Variants in LRRTM4 observed in about 807,000 individuals in gnomAD.
LRRTM4 encodes leucine-rich repeat transmembrane neuronal protein 4.
In LRRTM4, 25 loss-of-function variants were observed where a neutral mutation model predicts 47.6. The ratio of observed to expected loss-of-function variants is 0.53; its 90% confidence interval spans 0.38 to 0.73. The LOEUF (loss-of-function observed/expected upper bound fraction) is 0.73, where lower values mean the gene tolerates loss of function less well. Among genes scored for constraint, LRRTM4 ranks in the 30% least tolerant of loss-of-function variants. LRRTM4 has a pLI of 0.00. For synonymous variants in LRRTM4, 311 were observed against 269.5 expected, an observed-to-expected ratio of 1.15 and a Z score of -1.51; for missense variants, 638 against 713.4, an observed-to-expected ratio of 0.89 and a Z score of 1.20.
chr2:76,795,162 A>G (rs1377949459), intron 3 of LRRTM4, among the ~76,000 whole-genome samples: 2 of 152,198 alleles, frequency 1.3e-5, no homozygotes, highest in Admixed American at 1.3e-4. Flanking sequence ...TGAATAGGCA[A>G]TGATCAGCAA....
At chr2:76,909,213 T>G (rs1008077056) in intron 3 of LRRTM4, among the ~76,000 whole-genome samples, 1 of 152,192 alleles carries the variant, frequency 6.6e-6, no homozygotes, top group Non-Finnish European at 1.5e-5. Flanking sequence ...ATCTGATCTT[T>G]GACAAACCTG....
intron 3 of LRRTM4, among the ~76,000 whole-genome samples, chr2:76,846,134 A>G (rs1671830815): frequency 6.6e-6 from 1 of 152,086 alleles, no homozygotes; most frequent in South Asian, 2.1e-4. Context: ...ACTGGAACTA[A>G]TGGCTTGCTA....
intron 3 of LRRTM4, among the ~76,000 whole-genome samples, chr2:76,771,043 G>T (rs207461872): frequency 2.0e-5 from 3 of 151,408 alleles, no homozygotes; most frequent in Admixed American, 6.5e-5. Flanking sequence ...GTAGATGTCT[G>T]TTTAATGATG....
intron 3 of LRRTM4, among the ~76,000 whole-genome samples, chr2:77,341,893 G>A (rs1482435945): frequency 6.6e-6 from 1 of 151,964 alleles, no homozygotes; most frequent in African/African-American, 2.4e-5. Context: ...AAGAATAAAA[G>A]TCTGTGAAAG....
chr2:77,097,718 A>G (rs1670847687), intron 3 of LRRTM4, among the ~76,000 whole-genome samples: 1 of 152,028 alleles, frequency 6.6e-6, no homozygotes, highest in Admixed American at 6.5e-5. Flanking sequence ...TCTGATGTTC[A>G]TTGTTGTGGG....
chr2:77,346,611 G>C (rs993297598), intron 3 of LRRTM4, among the ~76,000 whole-genome samples: 2 of 151,926 alleles, frequency 1.3e-5, no homozygotes, highest in African/African-American at 2.4e-5. Flanking sequence ...AAAATTTGTA[G>C]AACTCTACCT....
intron 3 of LRRTM4, among the ~76,000 whole-genome samples, chr2:77,435,516 G>A (rs112089266): frequency 7.2e-5 from 11 of 152,100 alleles, no homozygotes; most frequent in African/African-American, 2.7e-4. Flanking sequence ...TGATTATAAT[G>A]ATAACATTAA....
chr2:77,345,853 C>T (rs531130212), intron 3 of LRRTM4, among the ~76,000 whole-genome samples: 16 of 150,606 alleles, frequency 1.1e-4, no homozygotes, highest in Admixed American at 7.9e-4. Context: ...TATATATATA[C>T]ACAGACACAC....
chr2:77,373,735 T>C (rs1672731814), intron 3 of LRRTM4, among the ~76,000 whole-genome samples: 1 of 151,716 alleles, frequency 6.6e-6, no homozygotes, highest in Non-Finnish European at 1.5e-5. Flanking sequence ...TACTTAGATA[T>C]AAAACTCAGA....
intron 3 of LRRTM4, among the ~76,000 whole-genome samples, chr2:77,024,939 A>C (rs1678402939): frequency 6.6e-6 from 1 of 152,198 alleles, no homozygotes; most frequent in Admixed American, 6.5e-5. Context: ...AATAGTCAAC[A>C]ATTTGAGAAA....
intron 3 of LRRTM4, among the ~76,000 whole-genome samples, chr2:76,896,604 T>C (rs947970912): frequency 3.0e-4 from 45 of 151,966 alleles, no homozygotes; most frequent in Admixed American, 2.9e-3. Flanking sequence ...TTGTCAATTG[T>C]TTAGAGAGTT....
rs143558102 is a variant in LRRTM4, at chr2:77,103,606, G to A, written c.1552-354690C>T. 8.1e-5 allele frequency among the ~76,000 whole-genome samples: 12 copies of A among 148,126 alleles called. No homozygotes were observed. The East Asian group carries it at 2.4e-3, about 30-fold the overall frequency. On this transcript the variant is annotated intron_variant, in intron 3 of 3. Coordinates refer to ENST00000409884, the MANE Select transcript of LRRTM4 (RefSeq NM_001134745.3). ...TAAAATTGCATGTTGTTTTTAGTTG[G>A]CATTTTCAATGTAATTCAGGAGAGT...
chr2:77,247,813 G>A (rs1354985532), intron 3 of LRRTM4, among the ~76,000 whole-genome samples: 1 of 151,720 alleles, frequency 6.6e-6, no homozygotes, highest in Non-Finnish European at 1.5e-5. Context: ...TAAAAATAGA[G>A]GTGAATTAGT....
At chr2:77,065,278 T>A (rs1006774175) in intron 3 of LRRTM4, among the ~76,000 whole-genome samples, 15 of 152,182 alleles carry the variant, frequency 9.9e-5, no homozygotes, top group African/African-American at 3.6e-4. Flanking sequence ...TTTTCTCATC[T>A]CTATATTAAT....
chr2:77,207,523 C>A (rs531525737), intron 3 of LRRTM4, among the ~76,000 whole-genome samples: 1 of 151,848 alleles, frequency 6.6e-6, no homozygotes, highest in East Asian at 1.9e-4. Flanking sequence ...TGACTCTCAA[C>A]CTGGCTGTGA....
At chr2:77,511,223 G>A (rs1277447169) in intron 3 of LRRTM4, among the ~76,000 whole-genome samples, 1 of 151,874 alleles carries the variant, frequency 6.6e-6, no homozygotes, top group African/African-American at 2.4e-5. Context: ...ATTTACTTTT[G>A]AGACAATTCA....
rs540819987 is a variant in LRRTM4 at position 76,964,491 on chromosome 2, A to G, written c.1552-215575T>C. On this transcript the variant is annotated intron_variant, in intron 3 of 3. Coordinates refer to ENST00000409884, the MANE Select transcript of LRRTM4 (RefSeq NM_001134745.3). ...CCAACAAAAGTGTTGAAATTTACCA[A>G]TTGTTTTTTTCCTGTTCCTAAGTAA... 4.0e-5 allele frequency among the ~76,000 whole-genome samples: 6 copies of G among 150,950 alleles called. No individual in the cohort carries two copies. The East Asian group carries it at 7.8e-4, about 20-fold the overall frequency.
intron 3 of LRRTM4, among the ~76,000 whole-genome samples, chr2:77,462,162 T>C (rs1407572894): frequency 1.3e-5 from 2 of 152,096 alleles, no homozygotes; most frequent in Non-Finnish European, 1.5e-5. Context: ...TTATGCCCTA[T>C]TGTAATGGTC....
intron 3 of LRRTM4, among the ~76,000 whole-genome samples, chr2:76,981,087 A>G (rs897350475): frequency 1.3e-5 from 2 of 152,260 alleles, no homozygotes; most frequent in East Asian, 3.9e-4. Context: ...TACATGCTAC[A>G]AAAATATTTA....
Sources: allele counts gnomAD v4.1 joint callset (sites outside exome capture counted in the v4.1 genomes callset), GRCh38; gene constraint gnomAD v4.1.1; transcripts MANE v1.5; gene names NCBI Gene and HGNC (gene_info 2026-07-23, HGNC 2026-07-21).